MACROH2A2: variants seen among roughly 807,000 people sequenced by gnomAD.
The protein encoded by MACROH2A2 is macroH2A.2 histone, also known as core histone macro-H2A.2.
In MACROH2A2, 6 loss-of-function variants were observed where a neutral mutation model predicts 37.6. The ratio of observed to expected loss-of-function variants is 0.16; its 90% confidence interval spans 0.09 to 0.32. The LOEUF (loss-of-function observed/expected upper bound fraction) is 0.32, where lower values mean the gene tolerates loss of function less well. Ranked by LOEUF, MACROH2A2 falls within the 10% of genes least tolerant of loss-of-function variation. MACROH2A2 has a pLI of 1.00. For missense variants in MACROH2A2, 290 were observed against 485.9 expected, an observed-to-expected ratio of 0.60 and a Z score of 3.79; for synonymous variants, 192 against 202.7, an observed-to-expected ratio of 0.95 and a Z score of 0.45.
chr10:70,089,965 A>C, intron 2 of MACROH2A2, 95 bp from the exon 3 acceptor site: 1 of 807,084 alleles, frequency 1.2e-6, no homozygotes, highest in South Asian at 1.4e-5. Context: ...TCACAAATGA[A>C]TGAATGTGAT....
chr10:70,081,174 T>C lies in MACROH2A2; in HGVS notation c.172+5344T>C, dbSNP rs535672929. On this transcript the variant is annotated intron_variant, in intron 2 of 8. Coordinates refer to ENST00000373255, the MANE Select transcript of MACROH2A2 (RefSeq NM_018649.3). ...GATGCTGGTTCTGCCACGTATCAGC[T>C]ATGAACCCTCAGGATCATTGCTTTA... Among the ~76,000 whole-genome samples, 5 of 151,240 alleles carry C rather than the reference T, an allele frequency of 3.3e-5. No individual in the cohort carries two copies. The East Asian group carries it at 9.8e-4, about 30-fold the overall frequency.
chr10:70,082,153 C>A (rs1221925422), intron 2 of MACROH2A2, among the ~76,000 whole-genome samples: 1 of 152,234 alleles, frequency 6.6e-6, no homozygotes. Flanking sequence ...GGCGCAGTGG[C>A]TCACGCCTGT....
chr10:70,076,330 C>T (rs911436244), intron 2 of MACROH2A2, among the ~76,000 whole-genome samples: 3 of 152,082 alleles, frequency 2.0e-5, no homozygotes, highest in Non-Finnish European at 2.9e-5. Flanking sequence ...GGCATGAAGC[C>T]GATGTAATGT....
rs1302323105 is a variant in MACROH2A2, at chr10:70,111,906, CTGT to C, written c.*228_*230del. On this transcript the variant is annotated 3_prime_UTR_variant, in exon 9 of 9. Transcript: ENST00000373255. Reference sequence around the variant, plus strand: ...GGGTTTCTTTCCATGTGTTTTCCTCCTGTTGTTTTAGAACTTTTTTAAAAAAAC... The same window carrying C: ...GGGTTTCTTTCCATGTGTTTTCCTCCTGTTTTAGAACTTTTTTAAAAAAAC... The C allele has an allele frequency of 7.2e-5, 27 of 374,154 alleles. No homozygotes were observed. The highest frequency in any genetic ancestry group is 1.0e-4 in the Non-Finnish European group (22 of 210,914). The allele number at this position is 374,154 out of a possible 1,614,324, so 23.2% of individuals were successfully genotyped here.
At chr10:70,100,972 G>A (rs577099819) in intron 7 of MACROH2A2, among the ~76,000 whole-genome samples, 96 of 152,202 alleles carry the variant, frequency 6.3e-4, no homozygotes, top group East Asian at 7.7e-4. Context: ...TTACAGTGTC[G>A]TGCAGCCATC....
Position 70,111,845 on chromosome 10 carries a change from A to T in MACROH2A2, c.*162A>T, listed in dbSNP as rs2072377871. 2.1e-6 allele frequency: 1 copy of T among 471,100 alleles called. No individual in the cohort carries two copies. Among genetic ancestry groups the T allele is most frequent in the African/African-American group, 2.0e-5 (1 of 49,872 alleles). 29.2% of individuals were successfully genotyped at this position (471,100 alleles called of 1,614,324 possible). ...TCTGCCCTTCACACTCTCCTCCAAA[A>T]GAGCCTCCATCTGTAAGGAAGCAGG... On this transcript the variant is annotated 3_prime_UTR_variant, in exon 9 of 9. Transcript: ENST00000373255.
chr10:70,075,929 G>GGA lies in MACROH2A2; in HGVS notation c.172+100_172+101insAG. 3 of 1,027,072 alleles carry GGA rather than the reference G, an allele frequency of 2.9e-6. No homozygotes were observed. The highest frequency in any genetic ancestry group is 4.3e-6 in the Non-Finnish European group (3 of 694,342). The allele number at this position is 1,027,072 out of a possible 1,614,324, so 63.6% of individuals were successfully genotyped here. On this transcript the variant is annotated intron_variant, in intron 2 of 8. Coordinates refer to ENST00000373255, the MANE Select transcript of MACROH2A2 (RefSeq NM_018649.3). This position sits in a 1 kb window ranked among gnomAD's most constrained non-coding sequence, Gnocchi z 5.0. ...GGAGGGATGCTCCAAATTGCCTTTT[G>GGA]GCTGGCTCAAGGCTACTGTGGGTGG... is the stretch of plus-strand genomic sequence containing the variant.
At chr10:70,070,572 A>ACGT (rs1234808688) in intron 1 of MACROH2A2, among the ~76,000 whole-genome samples, 2 of 151,672 alleles carry the variant, frequency 1.3e-5, no homozygotes. Context: ...GTTCACTGCA[A>ACGT]CCTCCTCCTC....
In MACROH2A2 at chr10:70,053,829, T is replaced by A. The variant is rs1007055902; in HGVS notation, c.-60+829T>A. Among the ~76,000 whole-genome samples the A allele has an allele frequency of 6.6e-6, 1 of 151,652 alleles. No homozygotes were observed. The highest frequency in any genetic ancestry group is 1.5e-5 in the Non-Finnish European group (1 of 67,908). The stretch of plus-strand genomic sequence containing the variant: ...GGCTCCCGCTTTGCGCGGGAAAAAA[T>A]AATAATAATAAAAATATCGAAAAAG... On this transcript the variant is annotated intron_variant, in intron 1 of 8. Coordinates refer to ENST00000373255, the MANE Select transcript of MACROH2A2 (RefSeq NM_018649.3). This position sits in a 1 kb window ranked among gnomAD's most constrained non-coding sequence, Gnocchi z 4.8.
rs946260662 is a variant in MACROH2A2 at position 70,073,734 on chromosome 10, A to T, written c.-59-1866A>T. 2.6e-5 allele frequency among the ~76,000 whole-genome samples: 4 copies of T among 152,296 alleles called. No individual in the cohort carries two copies. The South Asian group carries it at 6.2e-4, about 24-fold the overall frequency. On this transcript the variant is annotated intron_variant, in intron 1 of 8. Coordinates refer to ENST00000373255, the MANE Select transcript of MACROH2A2 (RefSeq NM_018649.3). Reference sequence around the variant, plus strand: ...AATGGAGTTATCAGATGCTTTAGAAAATTGAAATCTGTTCACTCTTTCACC... The same window carrying T: ...AATGGAGTTATCAGATGCTTTAGAATATTGAAATCTGTTCACTCTTTCACC...
chr10:70,078,100 AT>A (rs1184524725), intron 2 of MACROH2A2, among the ~76,000 whole-genome samples: 2 of 152,238 alleles, frequency 1.3e-5, no homozygotes, highest in Non-Finnish European at 2.9e-5. Flanking sequence ...CATATACAAA[AT>A]TTGGCCTTTG....
intron 1 of MACROH2A2, among the ~76,000 whole-genome samples, chr10:70,060,855 A>C (rs187537298): frequency 1.1e-3 from 172 of 152,216 alleles, no homozygotes; most frequent in African/African-American, 4.0e-3. Flanking sequence ...TCAGTGGCTC[A>C]TGCCTGTAAT....
chr10:70,058,814 G>A (rs912128008), intron 1 of MACROH2A2, among the ~76,000 whole-genome samples: 8 of 151,950 alleles, frequency 5.3e-5, no homozygotes, highest in African/African-American at 1.5e-4. Flanking sequence ...AATTCACTGG[G>A]TTGCTCATCC....
At chr10:70,077,023 C>T (rs1377997320) in intron 2 of MACROH2A2, among the ~76,000 whole-genome samples, 1 of 152,008 alleles carries the variant, frequency 6.6e-6, no homozygotes, top group East Asian at 1.9e-4. Flanking sequence ...AAATGAAAGC[C>T]TTCCTCCTGA....
Position 70,075,140 on chromosome 10 carries a change from C to T in MACROH2A2, c.-59-460C>T, listed in dbSNP as rs2072132712. On this transcript the variant is annotated intron_variant, in intron 1 of 8. Transcript: ENST00000373255. This position sits in a 1 kb window ranked among gnomAD's most constrained non-coding sequence, Gnocchi z 5.0. Reference sequence around the variant, plus strand: ...TCACATCTCTTACTGCCCACTCTGACCCCCTGCCTCCGTCTTCTAAGGCAA... The same window carrying T: ...TCACATCTCTTACTGCCCACTCTGATCCCCTGCCTCCGTCTTCTAAGGCAA... Among the ~76,000 whole-genome samples the T allele has an allele frequency of 6.6e-6, 1 of 152,164 alleles. No homozygotes were observed. Among genetic ancestry groups the T allele is most frequent in the South Asian group, 2.1e-4 (1 of 4,830 alleles).
chr10:70,088,839 C>G (rs2072226992), intron 2 of MACROH2A2, among the ~76,000 whole-genome samples: 2 of 152,346 alleles, frequency 1.3e-5, no homozygotes, highest in South Asian at 2.1e-4. Flanking sequence ...CGCAGTGGCT[C>G]AGGCCTGTAA....
At chr10:70,070,302 T>G (rs901354099) in intron 1 of MACROH2A2, among the ~76,000 whole-genome samples, 3 of 152,156 alleles carry the variant, frequency 2.0e-5, no homozygotes, top group African/African-American at 7.2e-5. Context: ...CCAGGGGGAT[T>G]TCCTCTAAGG....
chr10:70,060,012 C>T (rs1303335023), intron 1 of MACROH2A2, among the ~76,000 whole-genome samples: 1 of 152,164 alleles, frequency 6.6e-6, no homozygotes, highest in African/African-American at 2.4e-5. Context: ...GTCAAGAGCA[C>T]AGAACATAGA....
In MACROH2A2 at chr10:70,091,898, T is replaced by C; in HGVS notation, c.421T>C (p.Ser141Pro). 1 of 1,613,826 alleles carries C rather than the reference T, an allele frequency of 6.2e-7. No individual in the cohort carries two copies. Among genetic ancestry groups the C allele is most frequent in the African/African-American group, 1.3e-5 (1 of 74,940 alleles). ...AGAGAAAAGAGGCAGGAAGGCCACG[T>C]CAGGCAAGAAGGGGGGGAAGAAATC... ...PPEKRGRKATSGKKGGKKSKA... is the reference protein window; with the variant it reads ...PPEKRGRKATPGKKGGKKSKA... The change falls in exon 4 of 9, where the codon TCA (serine) becomes CCA (proline). Residue 141 changes from serine (S) to proline (P), a missense_variant. By Grantham distance (74) the Ser-to-Pro change is moderately conservative. Around this residue, in one of 3 missense-constraint regions of MACROH2A2, gnomAD observed 77 missense variants for 68.9 expected, o/e 1.12. Transcript: ENST00000373255.
Sources: gnomAD v4.1 joint callset for allele counts (sites outside exome capture counted in the v4.1 genomes callset) on GRCh38, gnomAD v4.1.1 for gene constraint, gnomAD v4.1.1 regional missense constraint, Gnocchi (gnomAD v3.1) non-coding constraint, MANE v1.5 for transcripts, NCBI Gene and HGNC (gene_info 2026-07-23, HGNC 2026-07-21) for gene names.